Variants in SGK1 observed in about 807,000 individuals in gnomAD.
The protein encoded by SGK1 is serum/glucocorticoid regulated kinase 1, also known as serine/threonine-protein kinase Sgk1.
Under a neutral mutation model 64.2 loss-of-function variants are expected in SGK1, and 26 were observed. The observed-to-expected ratio is 0.40, with a 90% CI of 0.30 to 0.56. The LOEUF is 0.56. SGK1 is among the 20% of genes least tolerant of loss of function. The pLI, the probability that SGK1 is intolerant of heterozygous loss-of-function variation, is 0.38. For synonymous variants in SGK1, 265 were observed against 239.7 expected, an observed-to-expected ratio of 1.11 and a Z score of -0.98; for missense variants, 519 against 645.6, an observed-to-expected ratio of 0.80 and a Z score of 2.12.
chr6:134,281,663 G>A (rs576474776), intron 1 of SGK1, among the ~76,000 whole-genome samples: 1 of 151,920 alleles, frequency 6.6e-6, no homozygotes, highest in African/African-American at 2.4e-5. Context: ...GACTACAGGT[G>A]CACCACCACA....
At chr6:134,233,082 A>G (rs942088828) in intron 2 of SGK1, among the ~76,000 whole-genome samples, 1 of 136,812 alleles carries the variant, frequency 7.3e-6, no homozygotes, top group Non-Finnish European at 1.6e-5. Context: ...CTCTATCTCT[A>G]TACTTTAGTA....
intron 3 of SGK1, among the ~76,000 whole-genome samples, chr6:134,194,397 G>T (rs1164054741): frequency 6.6e-6 from 1 of 152,038 alleles, no homozygotes; most frequent in Non-Finnish European, 1.5e-5. Context: ...GTCTATAAAT[G>T]CTCCCTGTCC....
At position 134,297,310 on chromosome 6, in the gene SGK1, G is replaced by A. The variant is rs1387123813; in HGVS notation, c.69+20082C>T. 1.2e-5 allele frequency: 15 copies of A among 1,232,084 alleles called. No homozygotes were observed. In the East Asian group the frequency reaches 2.3e-4, roughly 19 times the overall value. The allele number at this position is 1,232,084 out of a possible 1,614,324, so 76.3% of individuals were successfully genotyped here. A position where few individuals can be genotyped will look rare whatever the true frequency, so the allele number is the denominator to read the frequency against. On this transcript the variant is annotated intron_variant, in intron 1 of 13. Coordinates refer to ENST00000367858, the MANE Select transcript of SGK1 (RefSeq NM_001143676.3). ...ACGTTCATCAGCTCCTGGTACACAC[G>A]CAGCTATCGCGCCATGTCCTGCTAG...
intron 2 of SGK1, among the ~76,000 whole-genome samples, chr6:134,235,645 C>T (rs1776351903): frequency 6.6e-6 from 1 of 151,810 alleles, no homozygotes; most frequent in Non-Finnish European, 1.5e-5. Flanking sequence ...GAGCTCGGCT[C>T]ACTGCAACCT....
At chr6:134,176,599 G>C (rs1775239956) in intron 3 of SGK1, among the ~76,000 whole-genome samples, 1 of 152,156 alleles carries the variant, frequency 6.6e-6, no homozygotes, top group African/African-American at 2.4e-5. Flanking sequence ...GGTACCTGGC[G>C]CTCGCTGTTG....
Position 134,220,135 on chromosome 6 carries a change from A to T in SGK1, c.286-12704T>A, listed in dbSNP as rs188272666. Among the ~76,000 whole-genome samples, 497 of 151,486 alleles carry T rather than the reference A, an allele frequency of 3.3e-3. 7 individuals carry two copies. The highest frequency in any genetic ancestry group is 0.012 in the African/African-American group (481 of 41,324). Reference sequence around the variant, plus strand: ...ACATATAATTAAATTATTAAGTAAAAATTATTTGTGGCATGGTGTTTTGTA... The same window carrying T: ...ACATATAATTAAATTATTAAGTAAATATTATTTGTGGCATGGTGTTTTGTA... On this transcript the variant is annotated intron_variant, in intron 2 of 13. Transcript: ENST00000367858.
At chr6:134,212,593 A>G (rs1326128789) in intron 2 of SGK1, among the ~76,000 whole-genome samples, 8 of 152,154 alleles carry the variant, frequency 5.3e-5, no homozygotes, top group Non-Finnish European at 1.0e-4. Context: ...GGGAGCTCCC[A>G]GGCCAGGGTT....
At chr6:134,186,814 T>A (rs530924659) in intron 3 of SGK1, among the ~76,000 whole-genome samples, 1 of 151,292 alleles carries the variant, frequency 6.6e-6, no homozygotes, top group East Asian at 1.9e-4. Flanking sequence ...ACTTCTGGGT[T>A]TTTTTTTTGG....
At chr6:134,207,753 G>A (rs112266774) in intron 2 of SGK1, among the ~76,000 whole-genome samples, 24 of 152,324 alleles carry the variant, frequency 1.6e-4, no homozygotes, top group Admixed American at 6.5e-4. Flanking sequence ...CTGCACAGCC[G>A]TATGAAGAGG....
intron 3 of SGK1, chr6:134,177,751 T>C: frequency 6.2e-7 from 1 of 1,613,894 alleles, no homozygotes; most frequent in Non-Finnish European, 8.5e-7. Context: ...AGGCTGGAGG[T>C]AGAGCCCAGT....
At chr6:134,283,146 T>C (rs776315683) in intron 1 of SGK1, 2 of 152,192 alleles carry the variant, frequency 1.3e-5, no homozygotes, top group African/African-American at 2.4e-5. Flanking sequence ...CAATTACAGA[T>C]TTCTTTGTTC....
At chr6:134,175,044 C>T in intron 3 of SGK1, 1 of 705,868 alleles carries the variant, frequency 1.4e-6, no homozygotes, top group Non-Finnish European at 2.1e-6. Context: ...GAGGGCGAGC[C>T]CCGGGCGGGG....
At chr6:134,193,948 G>A (rs1278753589) in intron 3 of SGK1, among the ~76,000 whole-genome samples, 3 of 151,880 alleles carry the variant, frequency 2.0e-5, no homozygotes, top group Non-Finnish European at 4.4e-5. Context: ...CAGGGAACAA[G>A]GTGACACCAA....
intron 3 of SGK1, among the ~76,000 whole-genome samples, chr6:134,183,853 A>ACCCCCC (rs1775375204): frequency 5.4e-5 from 3 of 55,252 alleles, no homozygotes; most frequent in Admixed American, 1.7e-4. Flanking sequence ...TCCCCACCCC[A>ACCCCCC]CCCCCACCCC....
In SGK1 at chr6:134,172,277, T is replaced by G; in HGVS notation, c.987A>C (p.Gly329=). 6.2e-7 allele frequency: 1 copy of G among 1,613,754 alleles called. No homozygotes were observed. The highest frequency in any genetic ancestry group is 8.5e-7 in the Non-Finnish European group (1 of 1,179,722). The change falls in exon 10 of 14, where the codon GGA becomes GGC. Residue 329 remains glycine (G), a synonymous_variant. Transcript: ENST00000367858. ...GTCCGAAGTCAGTAAGGACAATGTG[T>G]CCCTGTGAATCTAGCAAAATATTCT... is the stretch of plus-strand genomic sequence containing the variant. The part of the protein sequence containing the change: ...KPENILLDSQ[G]HIVLTDFGLC...
intron 9 of SGK1, 62 bp from the exon 10 acceptor site, chr6:134,172,378 T>C: frequency 6.6e-7 from 1 of 1,504,826 alleles, no homozygotes; most frequent in Non-Finnish European, 9.1e-7. Flanking sequence ...AGATATCCTC[T>C]TAAAGATAAT....
chr6:134,306,565 C>G (rs978548957), intron 1 of SGK1, among the ~76,000 whole-genome samples: 1 of 152,002 alleles, frequency 6.6e-6, no homozygotes, highest in Admixed American at 6.6e-5. Flanking sequence ...ACTCTATCTC[C>G]CAGGCTGGAG....
chr6:134,178,530 G>T (rs563879002), intron 3 of SGK1, among the ~76,000 whole-genome samples: 83 of 152,294 alleles, frequency 5.4e-4, no homozygotes, highest in Non-Finnish European at 1.0e-3. Flanking sequence ...CCTTCCTGTC[G>T]CCAGCCTCTT....
rs771651066 is a variant in SGK1 at position 134,172,790 on chromosome 6, C to G, written c.835-16G>C. 2.6e-6 allele frequency: 4 copies of G among 1,558,578 alleles called. No homozygotes were observed. Among genetic ancestry groups the G allele is most frequent in the Non-Finnish European group, 3.5e-6 (4 of 1,129,652 alleles). ...GGTAGAACAACTGCAGGAGACAGAA[C>G]AAAGTCATTCTGGGTTGCAAATGAA... On this transcript the variant is annotated splice_polypyrimidine_tract_variant and intron_variant, in intron 8 of 13. Coordinates refer to ENST00000367858, the MANE Select transcript of SGK1 (RefSeq NM_001143676.3).
Sources: allele counts gnomAD v4.1 joint callset (sites outside exome capture counted in the v4.1 genomes callset), GRCh38; gene constraint gnomAD v4.1.1; transcripts MANE v1.5; gene names NCBI Gene and HGNC (gene_info 2026-07-23, HGNC 2026-07-21).